Variants in OSBPL10 observed in about 807,000 individuals in gnomAD.
OSBPL10 encodes oxysterol binding protein like 10.
A neutral mutation model predicts 81.7 loss-of-function variants in OSBPL10; 49 were observed. The ratio of observed to expected loss-of-function variants is 0.60; its 90% CI spans 0.48 to 0.76. The LOEUF (loss-of-function observed/expected upper bound fraction) is 0.76, where lower values mean the gene tolerates loss of function less well. Among genes scored for constraint, OSBPL10 ranks in the 30% least tolerant of loss-of-function variants. The pLI is 0.00. For missense variants in OSBPL10, 923 were observed against 987.8 expected (o/e 0.93, Z 0.88); for synonymous variants, 419 against 383.6 (o/e 1.09, Z -1.08).
intron 1 of OSBPL10, among the ~76,000 whole-genome samples, chr3:31,954,969 G>A (rs773183812): frequency 2.6e-5 from 4 of 152,184 alleles, no homozygotes; most frequent in African/African-American, 7.2e-5. Context: ...GTAGATACTT[G>A]TGTGTTTACT....
At chr3:31,754,934 C>CT (rs1466606367) in intron 4 of OSBPL10, among the ~76,000 whole-genome samples, 1 of 152,074 alleles carries the variant, frequency 6.6e-6, no homozygotes, top group Non-Finnish European at 1.5e-5. Context: ...GTCCCATTTG[C>CT]TTTTTTTCTT....
intron 1 of OSBPL10, among the ~76,000 whole-genome samples, chr3:31,894,208 C>T (rs1041949578): frequency 2.2e-4 from 33 of 152,016 alleles, no homozygotes; most frequent in Admixed American, 2.2e-3. Flanking sequence ...CAGGAGCGGT[C>T]GGAGTTGGAG....
intron 1 of OSBPL10, among the ~76,000 whole-genome samples, chr3:31,911,936 TC>T (rs148796914): frequency 0.019 from 2,959 of 152,194 alleles, 97 homozygotes; most frequent in African/African-American, 0.066. Flanking sequence ...ACAGGAAATT[TC>T]CCCTAATCCT....
At chr3:31,686,010 C>G (rs2125553907) in intron 7 of OSBPL10, among the ~76,000 whole-genome samples, 1 of 152,294 alleles carries the variant, frequency 6.6e-6, no homozygotes, top group Non-Finnish European at 1.5e-5. Flanking sequence ...AGTTCTCACT[C>G]TCTCAGGACT....
intron 4 of OSBPL10, among the ~76,000 whole-genome samples, chr3:31,750,716 G>A (rs1697685761): frequency 2.0e-5 from 3 of 151,982 alleles, no homozygotes; most frequent in Admixed American, 6.6e-5. Flanking sequence ...AAATCATGAT[G>A]AAACATGATG....
In OSBPL10 at chr3:31,872,037, C is replaced by A. The variant is rs80037340; in HGVS notation, c.537+4396G>T. 2.3e-3 allele frequency among the ~76,000 whole-genome samples: 355 copies of A among 152,232 alleles called. 1 individual carries two copies. The highest frequency in any genetic ancestry group is 6.5e-3 in the African/African-American group (272 of 41,536). ...TTAATTTTTATAATGCACTAAAGGC[C>A]GAATGTTTTCTTTTGTTGTTTGTGT... is the stretch of plus-strand genomic sequence containing the variant. On this transcript the variant is annotated intron_variant, in intron 3 of 11. Coordinates refer to ENST00000396556, the MANE Select transcript of OSBPL10 (RefSeq NM_017784.5).
intron 3 of OSBPL10, among the ~76,000 whole-genome samples, chr3:31,849,621 A>G (rs373295454): frequency 2.6e-4 from 40 of 152,338 alleles, no homozygotes; most frequent in African/African-American, 9.1e-4. Context: ...AGAGATTGCT[A>G]TAACGTTGTT....
At chr3:32,000,819 C>T (rs1699137891) in intron 2 of OSBPL10, among the ~76,000 whole-genome samples, 1 of 152,172 alleles carries the variant, frequency 6.6e-6, no homozygotes. Context: ...TCCGGCCATG[C>T]GGTTCACATG....
At chr3:31,783,111 T>TTATATATATATATA (rs56846176) in intron 4 of OSBPL10, among the ~76,000 whole-genome samples, 92 of 121,610 alleles carry the variant, frequency 7.6e-4, no homozygotes, top group African/African-American at 1.8e-3. Flanking sequence ...AATATATCTA[T>TTATATATATATATA]TATATATATA....
chr3:31,798,291 G>C (rs558529813), intron 4 of OSBPL10, among the ~76,000 whole-genome samples: 1 of 152,012 alleles, frequency 6.6e-6, no homozygotes, highest in South Asian at 2.1e-4. Context: ...TTAGCTGGGC[G>C]TGGTGGCAGG....
intron 1 of OSBPL10, among the ~76,000 whole-genome samples, chr3:31,957,919 G>T (rs1236335366): frequency 2.6e-5 from 4 of 152,176 alleles, no homozygotes; most frequent in Non-Finnish European, 4.4e-5. Flanking sequence ...GATTACAGGC[G>T]TGAGCCACCG....
intron 1 of OSBPL10, among the ~76,000 whole-genome samples, chr3:32,055,191 C>CTTTTTTTT (rs139735770): frequency 1.0e-4 from 6 of 58,248 alleles, no homozygotes; most frequent in African/African-American, 3.7e-4. Context: ...CTATTTATAG[C>CTTTTTTTT]TTTTTTTTTT....
intron 7 of OSBPL10, among the ~76,000 whole-genome samples, chr3:31,694,424 T>C (rs966765996): frequency 6.8e-6 from 1 of 146,606 alleles, no homozygotes; most frequent in African/African-American, 2.5e-5. Flanking sequence ...CCCTATATTA[T>C]CCATATATCT....
chr3:31,747,921 G>C lies in OSBPL10; in HGVS notation c.929C>G (p.Pro310Arg). The change falls in exon 5 of 12, where the codon CCA becomes CGA. Residue 310 changes from proline (P) to arginine (R), a missense_variant. Physicochemically the swap from Pro to Arg is moderately radical, Grantham distance 103 (BLOSUM62 -2). Around this residue, in one of 3 missense-constraint regions of OSBPL10, gnomAD observed 514 missense variants for 508.0 expected, o/e 1.01. Coordinates refer to ENST00000396556, the MANE Select transcript of OSBPL10 (RefSeq NM_017784.5). ...VHQAGQPSQK[P>R]GASENILGWH... ...CCCGGGGGTCTTACCCGAGGCTCCT[G>C]GCTTCTGGCTGGGCTGGCCCGCCTG... 1 of 1,613,564 alleles carries C rather than the reference G, an allele frequency of 6.2e-7. No individual in the cohort carries two copies. The highest frequency in any genetic ancestry group is 8.5e-7 in the Non-Finnish European group (1 of 1,180,018).
At chr3:31,747,487 T>TCAAAAAAAAAAA (rs1553620893) in intron 5 of OSBPL10, among the ~76,000 whole-genome samples, 1 of 98,484 alleles carries the variant, frequency 1.0e-5, no homozygotes, top group Non-Finnish European at 2.0e-5. Flanking sequence ...AATCTTCAAA[T>TCAAAAAAAAAAA]AAAAAAAAAA....
At chr3:31,676,458 T>C (rs904034452) in intron 8 of OSBPL10, among the ~76,000 whole-genome samples, 2 of 151,840 alleles carry the variant, frequency 1.3e-5, no homozygotes, top group Admixed American at 6.6e-5. Flanking sequence ...TGGGAGATCT[T>C]CATTTGAAAT....
chr3:31,769,609 T>C (rs1698315709), intron 4 of OSBPL10, among the ~76,000 whole-genome samples: 1 of 148,460 alleles, frequency 6.7e-6, no homozygotes, highest in African/African-American at 2.5e-5. Flanking sequence ...AATATATTTT[T>C]ATATTATAAC....
chr3:32,060,995 A>C, intron 1 of OSBPL10, among the ~76,000 whole-genome samples: 1 of 68,246 alleles, frequency 1.5e-5, no homozygotes, highest in South Asian at 6.8e-4. Flanking sequence ...AAAAACCCTC[A>C]GAGGACCCCC....
chr3:32,026,036 A>ATAGATAGATAGATAGG (rs1699404142), intron 2 of OSBPL10, among the ~76,000 whole-genome samples: 4 of 126,654 alleles, frequency 3.2e-5, no homozygotes, highest in Non-Finnish European at 5.0e-5. Context: ...AGATAGATAG[A>ATAGATAGATAGATAGG]TAGATAGATA....
Sources: gnomAD v4.1 joint callset for allele counts (sites outside exome capture counted in the v4.1 genomes callset) on GRCh38, gnomAD v4.1.1 for gene constraint, gnomAD v4.1.1 regional missense constraint, MANE v1.5 for transcripts, NCBI Gene and HGNC (gene_info 2026-07-23, HGNC 2026-07-21) for gene names.